The following KCNQ1OT1 variants were observed in gnomAD, a reference collection of about 807,000 sequenced individuals.
KCNQ1OT1 encodes the protein KCNQ1 antisense RNA 2 (non-protein coding).
exon 1 of KCNQ1OT1, chr11:2,666,411 C>T (rs1439099541): frequency 2.5e-6 from 1 of 398,542 alleles, no homozygotes; most frequent in Non-Finnish European, 4.4e-6. Flanking sequence ...AAAAACAGCC[C>T]CGTGTGCGTT....
At chr11:2,631,359 TCTG>T (rs1242542964) in exon 1 of KCNQ1OT1, 2 of 398,460 alleles carry the variant, frequency 5.0e-6, no homozygotes, top group Non-Finnish European at 8.8e-6. Context: ...TTTGATCAAG[TCTG>T]CTGCTGATGC....
rs1012104925 is a variant in KCNQ1OT1 at position 2,667,026 on chromosome 11, C to G, written n.32969G>C. The stretch of plus-strand genomic sequence containing the variant: ...TGAGTCATAGGATCCCCGTCAGAGC[C>G]CCACATAGCCCCAGCCAGGCTCAAA... On this transcript the variant is annotated non_coding_transcript_exon_variant, in exon 1 of 1. Transcript: ENST00000597346. 6.8e-5 allele frequency: 27 copies of G among 398,688 alleles called. No individual in the cohort carries two copies. In the Admixed American group the frequency reaches 1.1e-3, roughly 16 times the overall value. The allele number at this position is 398,688 out of a possible 1,614,324, so 24.7% of individuals were successfully genotyped here.
rs1326690888 is a variant in KCNQ1OT1 at position 2,620,969 on chromosome 11, G to C, written n.79026C>G. ...TTTTGTTTTTTTTTGTCTGTTTTTT[G>C]CTTTTTTGTTTGTTTGTTTGTTTTT... On this transcript the variant is annotated non_coding_transcript_exon_variant, in exon 1 of 1. Coordinates refer to ENST00000597346, the Ensembl canonical transcript of KCNQ1OT1. The surrounding 1 kb of genome is among the most constrained non-coding windows in gnomAD (Gnocchi z 4.5). 2 of 381,052 alleles carry C rather than the reference G, an allele frequency of 5.2e-6. No homozygotes were observed. The highest frequency in any genetic ancestry group is 1.4e-4 in the South Asian group (1 of 6,986). The allele number at this position is 381,052 out of a possible 1,614,324, so 23.6% of individuals were successfully genotyped here.
At chr11:2,629,003 T>C (rs1246639739) in exon 1 of KCNQ1OT1, 1 of 398,356 alleles carries the variant, frequency 2.5e-6, no homozygotes. Context: ...CTTTGAAATA[T>C]AATTCAAAAT....
In KCNQ1OT1 at chr11:2,620,051, C is replaced by A. The variant is rs546484400; in HGVS notation, n.79944G>T. The A allele has an allele frequency of 2.5e-6, 1 of 398,162 alleles. No individual in the cohort carries two copies. Among genetic ancestry groups the A allele is most frequent in the East Asian group, 3.6e-5 (1 of 28,034 alleles). 24.7% of individuals were successfully genotyped at this position (398,162 alleles called of 1,614,324 possible). ...CAAGTAGTCCCCAGTGTCTACTGAT[C>A]ATCTTTATGTCCATGTTTACTCAGT... On this transcript the variant is annotated non_coding_transcript_exon_variant, in exon 1 of 1. Transcript: ENST00000597346. This position sits in a 1 kb window ranked among gnomAD's most constrained non-coding sequence, Gnocchi z 4.5.
chr11:2,696,032 T>C (rs1176709111), exon 1 of KCNQ1OT1: 15 of 398,500 alleles, frequency 3.8e-5, no homozygotes, highest in Admixed American at 1.8e-4. Flanking sequence ...AAAACGCAAA[T>C]TGTTTCCTTA....
At chr11:2,665,057 A>T (rs992979962) in exon 1 of KCNQ1OT1, 2 of 398,218 alleles carry the variant, frequency 5.0e-6, no homozygotes, top group African/African-American at 4.1e-5. Flanking sequence ...CAAGCTAGGG[A>T]GTCATGACAA....
In KCNQ1OT1 at chr11:2,645,930, T is replaced by G. The variant is rs1849658781; in HGVS notation, n.54065A>C. 2 of 398,624 alleles carry G rather than the reference T, an allele frequency of 5.0e-6. No individual in the cohort carries two copies. The highest frequency in any genetic ancestry group is 7.1e-5 in the East Asian group (2 of 28,078). The allele number at this position is 398,624 out of a possible 1,614,324, so 24.7% of individuals were successfully genotyped here. Reference sequence around the variant, plus strand: ...CATTTCACAGTCTGTAGGTAGCCTCTTGTTAGTCTCAAGGCATCTATGGGT... The same window carrying G: ...CATTTCACAGTCTGTAGGTAGCCTCGTGTTAGTCTCAAGGCATCTATGGGT... On this transcript the variant is annotated non_coding_transcript_exon_variant, in exon 1 of 1. Transcript: ENST00000597346. This position sits in a 1 kb window ranked among gnomAD's most constrained non-coding sequence, Gnocchi z 5.8.
exon 1 of KCNQ1OT1, chr11:2,610,300 G>A (rs951872136): frequency 2.5e-6 from 1 of 397,892 alleles, no homozygotes; most frequent in East Asian, 3.6e-5. Flanking sequence ...ACCACTTTTT[G>A]TGGTATTGTT....
At chr11:2,630,526 A>C (rs969562999) in exon 1 of KCNQ1OT1, 4 of 398,220 alleles carry the variant, frequency 1.0e-5, no homozygotes, top group Non-Finnish European at 1.8e-5. Flanking sequence ...TACACCTTTT[A>C]ATATTGCATA....
exon 1 of KCNQ1OT1, chr11:2,681,625 C>T (rs569602022): frequency 2.1e-5 from 8 of 384,768 alleles, no homozygotes; most frequent in Non-Finnish European, 3.2e-5. Flanking sequence ...CCCCACCCAA[C>T]CTCCCCCAAC....
exon 1 of KCNQ1OT1, chr11:2,630,888 C>A (rs1849341619): frequency 2.5e-6 from 1 of 398,390 alleles, no homozygotes; most frequent in South Asian, 1.3e-4. Flanking sequence ...TCTTTCAGAA[C>A]TTTGAATATA....
exon 1 of KCNQ1OT1, chr11:2,685,966 G>T (rs995377061): frequency 2.5e-6 from 1 of 398,802 alleles, no homozygotes; most frequent in Non-Finnish European, 4.4e-6. Flanking sequence ...CACGGATGAG[G>T]CCTGTACACT....
In KCNQ1OT1 at chr11:2,693,395, C is replaced by T. The variant is rs1339902735; in HGVS notation, n.6600G>A. On this transcript the variant is annotated non_coding_transcript_exon_variant, in exon 1 of 1. Coordinates refer to ENST00000597346, the Ensembl canonical transcript of KCNQ1OT1. Reference sequence around the variant, plus strand: ...CCAAGCAGCAGTGTGTGGAGCTGGGCCTGGGCCTAAGCTGGGAATAAGCTT... The same window carrying T: ...CCAAGCAGCAGTGTGTGGAGCTGGGTCTGGGCCTAAGCTGGGAATAAGCTT... 10 of 398,704 alleles carry T rather than the reference C, an allele frequency of 2.5e-5. No individual in the cohort carries two copies. The East Asian group carries it at 3.6e-4, about 14-fold the overall frequency. 24.7% of individuals were successfully genotyped at this position (398,704 alleles called of 1,614,324 possible).
At chr11:2,684,536 A>G in exon 1 of KCNQ1OT1, 1 of 398,606 alleles carries the variant, frequency 2.5e-6, no homozygotes, top group South Asian at 1.3e-4. Flanking sequence ...GAAAAGCAAT[A>G]TATTTGATGC....
chr11:2,638,219 G>T (rs1474839697), exon 1 of KCNQ1OT1: 2 of 152,024 alleles, frequency 1.3e-5, no homozygotes, highest in Non-Finnish European at 2.9e-5. Flanking sequence ...GATCCATTAT[G>T]ATGTTAGCTG....
Position 2,658,770 on chromosome 11 carries a change from C to G in KCNQ1OT1, n.41225G>C, listed in dbSNP as rs569025027. 4 of 398,450 alleles carry G rather than the reference C, an allele frequency of 1.0e-5. No individual in the cohort carries two copies. The highest frequency in any genetic ancestry group is 8.2e-5 in the African/African-American group (4 of 48,618). 24.7% of individuals were successfully genotyped at this position (398,450 alleles called of 1,614,324 possible). On this transcript the variant is annotated non_coding_transcript_exon_variant, in exon 1 of 1. Coordinates refer to ENST00000597346, the Ensembl canonical transcript of KCNQ1OT1. The surrounding 1 kb of genome is among the most constrained non-coding windows in gnomAD (Gnocchi z 4.9). Reference sequence around the variant, plus strand: ...AAAGCTAACCATGAGTTCATACTGACATTTCTGACCAGAGTTCATCCTTGC... The same window carrying G: ...AAAGCTAACCATGAGTTCATACTGAGATTTCTGACCAGAGTTCATCCTTGC...
In KCNQ1OT1 at chr11:2,620,434, T is replaced by A; in HGVS notation, n.79561A>T. On this transcript the variant is annotated non_coding_transcript_exon_variant, in exon 1 of 1. Coordinates refer to ENST00000597346, the Ensembl canonical transcript of KCNQ1OT1. This position sits in a 1 kb window ranked among gnomAD's most constrained non-coding sequence, Gnocchi z 4.5. ...TTTTTCCATGTTGGTCAGGCTGGTC[T>A]CGAACTCCTGACCTCAGGTGATCCA... The A allele has an allele frequency of 3.7e-6, 1 of 270,834 alleles. No individual in the cohort carries two copies. The highest frequency in any genetic ancestry group is 6.8e-6 in the Non-Finnish European group (1 of 146,922). The allele number at this position is 270,834 out of a possible 1,614,324, so 16.8% of individuals were successfully genotyped here.
Position 2,669,989 on chromosome 11 carries a change from C to T in KCNQ1OT1, n.30006G>A, listed in dbSNP as rs952928117. On this transcript the variant is annotated non_coding_transcript_exon_variant, in exon 1 of 1. Coordinates refer to ENST00000597346, the Ensembl canonical transcript of KCNQ1OT1. This position sits in a 1 kb window ranked among gnomAD's most constrained non-coding sequence, Gnocchi z 5.6. ...GTCCCCAAGTCACAACCTCAAATCTCGGAATGGGGTTCAGGAGCTGTTGGG... is the reference window on the plus strand; with the variant it reads ...GTCCCCAAGTCACAACCTCAAATCTTGGAATGGGGTTCAGGAGCTGTTGGG... The T allele has an allele frequency of 1.3e-5, 5 of 398,532 alleles. No individual in the cohort carries two copies. The highest frequency in any genetic ancestry group is 3.6e-5 in the East Asian group (1 of 28,082). The allele number at this position is 398,532 out of a possible 1,614,324, so 24.7% of individuals were successfully genotyped here.
Sources: gnomAD v4.1 joint callset for allele counts on GRCh38, gnomAD v4.1.1 for gene constraint, Gnocchi (gnomAD v3.1) non-coding constraint, MANE v1.5 for transcripts, NCBI Gene and HGNC (gene_info 2026-07-23, HGNC 2026-07-21) for gene names.